SDK1: variants seen among roughly 807,000 people sequenced by gnomAD.
SDK1 encodes sidekick cell adhesion molecule 1, also known as protein sidekick-1.
In SDK1, 157 loss-of-function variants were observed where a neutral mutation model predicts 245.5. The ratio of observed to expected loss-of-function variants is 0.64; its 90% CI spans 0.56 to 0.73. The LOEUF is 0.73. Among genes scored for constraint, SDK1 ranks in the 30% least tolerant of loss-of-function variants. The pLI is 0.00. For synonymous variants in SDK1, 1,647 were observed against 1,278.5 expected (o/e 1.29, Z -6.15); for missense variants, 3,583 against 3,002.3 (o/e 1.19, Z -4.52).
chr7:3,369,094 G>T (rs1296215189), intron 1 of SDK1, among the ~76,000 whole-genome samples: 1 of 151,782 alleles, frequency 6.6e-6, no homozygotes, highest in Non-Finnish European at 1.5e-5. Flanking sequence ...GGCCAGGCTG[G>T]TGTGCAATGG....
rs1352282643 is a variant in SDK1, at chr7:3,378,819, G to GC, written c.298+76937dup. ...ACTCTGCTGCCCTGCTCGCTGGGGG[G>GC]CCGGCGGGGTGGGCTTCTGCTCCAC... On this transcript the variant is annotated intron_variant, in intron 1 of 44. Coordinates refer to ENST00000404826, the MANE Select transcript of SDK1 (RefSeq NM_152744.4). 3.4e-4 allele frequency among the ~76,000 whole-genome samples: 52 copies of GC among 151,594 alleles called. 1 individual carries two copies. The highest frequency in any genetic ancestry group is 1.1e-3 in the African/African-American group (45 of 41,158).
At chr7:4,201,823 C>G (rs1194391939) in intron 35 of SDK1, among the ~76,000 whole-genome samples, 1 of 152,088 alleles carries the variant, frequency 6.6e-6, no homozygotes, top group Non-Finnish European at 1.5e-5. Flanking sequence ...ACAGCAGACA[C>G]CCAGCATGGC....
Position 3,459,355 on chromosome 7 carries a change from G to C in SDK1, c.298+157471G>C, listed in dbSNP as rs112046058. On this transcript the variant is annotated intron_variant, in intron 1 of 44. Coordinates refer to ENST00000404826, the MANE Select transcript of SDK1 (RefSeq NM_152744.4). Reference sequence around the variant, plus strand: ...TTGCTGGTTTCAAAAGACTTGAAATGCACAAATCGTTTGCTGTTTATGTAT... The same window carrying C: ...TTGCTGGTTTCAAAAGACTTGAAATCCACAAATCGTTTGCTGTTTATGTAT... Among the ~76,000 whole-genome samples, 18 of 152,246 alleles carry C rather than the reference G, an allele frequency of 1.2e-4. 4 individuals carry two copies. The highest frequency in any genetic ancestry group is 4.1e-4 in the African/African-American group (17 of 41,540).
chr7:3,349,188 T>TAAAA lies in SDK1; in HGVS notation c.298+47310_298+47313dup, dbSNP rs112013810. ...CTTCAGCTGCCCTGTGGTTGCAGTT[T>TAAAA]AAAAAAAAACAACAAAAAAAACACA... On this transcript the variant is annotated intron_variant, in intron 1 of 44. Transcript: ENST00000404826. Among the ~76,000 whole-genome samples, 44 of 150,534 alleles carry TAAAA rather than the reference T, an allele frequency of 2.9e-4. 1 individual carries two copies. Among genetic ancestry groups the TAAAA allele is most frequent in the African/African-American group, 9.8e-4 (40 of 40,860 alleles).
intron 4 of SDK1, among the ~76,000 whole-genome samples, chr7:3,665,634 G>C (rs564312595): frequency 1.3e-5 from 2 of 152,124 alleles, no homozygotes; most frequent in Admixed American, 6.5e-5. Context: ...TGGGGAGGGA[G>C]TGCCACAGCA....
intron 39 of SDK1, 24 bp from the exon 40 acceptor site, chr7:4,221,213 CCT>C (rs1163564545): frequency 1.9e-6 from 3 of 1,611,428 alleles, no homozygotes; most frequent in Non-Finnish European, 2.5e-6. Context: ...TGATGCCTCA[CCT>C]CTCTTTTCTT....
At chr7:3,936,444 G>C (rs1478631951) in intron 5 of SDK1, among the ~76,000 whole-genome samples, 1 of 152,072 alleles carries the variant, frequency 6.6e-6, no homozygotes, top group Non-Finnish European at 1.5e-5. Flanking sequence ...AATTAGCCAG[G>C]CATGGTGGCA....
chr7:3,569,728 T>A (rs934075644), intron 1 of SDK1, among the ~76,000 whole-genome samples: 4 of 152,234 alleles, frequency 2.6e-5, no homozygotes, highest in African/African-American at 9.6e-5. Context: ...TGGTATGGAT[T>A]TTTTTTAAGG....
At chr7:4,224,536 C>T (rs1482684815) in intron 40 of SDK1, among the ~76,000 whole-genome samples, 1 of 152,186 alleles carries the variant, frequency 6.6e-6, no homozygotes, top group Non-Finnish European at 1.5e-5. Flanking sequence ...CCAGGCCCCT[C>T]CCCCAACACC....
At chr7:3,747,269 C>T (rs1036190117) in intron 4 of SDK1, among the ~76,000 whole-genome samples, 1 of 152,298 alleles carries the variant, frequency 6.6e-6, no homozygotes, top group East Asian at 1.9e-4. Context: ...CCATAACCAA[C>T]ATTTAGTTTC....
At chr7:3,828,050 G>A (rs1236240714) in intron 5 of SDK1, among the ~76,000 whole-genome samples, 1 of 152,162 alleles carries the variant, frequency 6.6e-6, no homozygotes, top group African/African-American at 2.4e-5. Context: ...GGCCAAGGTG[G>A]GCGGATCACC....
chr7:4,196,366 C>T (rs1216498619), intron 35 of SDK1, among the ~76,000 whole-genome samples: 1 of 152,244 alleles, frequency 6.6e-6, no homozygotes, highest in East Asian at 1.9e-4. Flanking sequence ...ACAGCCAAAG[C>T]CATCTCTCTC....
At chr7:3,750,605 G>A (rs1779746763) in intron 4 of SDK1, among the ~76,000 whole-genome samples, 2 of 152,200 alleles carry the variant, frequency 1.3e-5, no homozygotes, top group South Asian at 2.1e-4. Context: ...GAGTAGTGTG[G>A]GGGTCAGCGG....
chr7:3,959,050 A>T, intron 8 of SDK1, 36 bp downstream of exon 8: 1 of 1,502,398 alleles, frequency 6.7e-7, no homozygotes, highest in Non-Finnish European at 9.3e-7. Flanking sequence ...AGGAGCCATG[A>T]CTGGGAGGAA....
intron 4 of SDK1, among the ~76,000 whole-genome samples, chr7:3,682,744 G>A (rs1169369502): frequency 1.3e-5 from 2 of 149,290 alleles, no homozygotes; most frequent in Non-Finnish European, 3.0e-5. Context: ...TTTAAACAGA[G>A]TTTTGCTTTG....
chr7:3,401,413 AAT>A (rs992958171), intron 1 of SDK1, among the ~76,000 whole-genome samples: 16 of 152,276 alleles, frequency 1.1e-4, no homozygotes, highest in African/African-American at 3.8e-4. Context: ...ACCACTGGGT[AAT>A]ATATTTTATT....
At chr7:3,490,523 C>T in intron 1 of SDK1, among the ~76,000 whole-genome samples, 1 of 152,102 alleles carries the variant, frequency 6.6e-6, no homozygotes. Flanking sequence ...TCTGATATTT[C>T]TTTAAACATC....
chr7:3,355,124 T>G (rs1246963855), intron 1 of SDK1, among the ~76,000 whole-genome samples: 1 of 152,250 alleles, frequency 6.6e-6, no homozygotes, highest in African/African-American at 2.4e-5. Context: ...TTATTAAAAT[T>G]TGCAGCAAGG....
At chr7:3,420,274 T>G (rs888874812) in intron 1 of SDK1, among the ~76,000 whole-genome samples, 14 of 152,240 alleles carry the variant, frequency 9.2e-5, no homozygotes, top group African/African-American at 3.4e-4. Context: ...AAGTGTTGTT[T>G]AACAGAAAAG....
Sources: gnomAD v4.1 joint callset for allele counts (sites outside exome capture counted in the v4.1 genomes callset) on GRCh38, gnomAD v4.1.1 for gene constraint, MANE v1.5 for transcripts, NCBI Gene and HGNC (gene_info 2026-07-23, HGNC 2026-07-21) for gene names.